PRRX2: variants seen among roughly 807,000 people sequenced by gnomAD.
The protein encoded by PRRX2 is paired related homeobox 2.
A neutral mutation model predicts 18.0 loss-of-function variants in PRRX2; 11 were observed. That is an observed-to-expected ratio of 0.61 (90% CI 0.39 to 1.01). The LOEUF is 1.01. Ranked by LOEUF, PRRX2 falls within the 50% of genes least tolerant of loss-of-function variation. The pLI is 0.01. For missense variants in PRRX2, 387 were observed against 351.0 expected (o/e 1.10, Z -0.82); for synonymous variants, 177 against 154.8 (o/e 1.14, Z -1.06).
intron 3 of PRRX2, among the ~76,000 whole-genome samples, 183 bp downstream of exon 3, chr9:129,720,957 T>A (rs1029259157): frequency 6.6e-6 from 1 of 152,196 alleles, no homozygotes; most frequent in African/African-American, 2.4e-5. Flanking sequence ...CACGAGCACC[T>A]GCACGTGCAT....
intron 1 of PRRX2, among the ~76,000 whole-genome samples, chr9:129,698,108 C>T (rs931064114): frequency 6.6e-6 from 1 of 152,084 alleles, no homozygotes; most frequent in African/African-American, 2.4e-5. Context: ...AGCACCGAGC[C>T]TTCCCGTCCC....
At chr9:129,681,775 G>A (rs903390923) in intron 1 of PRRX2, among the ~76,000 whole-genome samples, 2 of 149,596 alleles carry the variant, frequency 1.3e-5, no homozygotes, top group East Asian at 2.1e-4. Flanking sequence ...TGGGAGCCCC[G>A]GTGTGGGGAG....
chr9:129,684,521 C>A (rs759098995), intron 1 of PRRX2, among the ~76,000 whole-genome samples: 32 of 41,522 alleles, frequency 7.7e-4, no homozygotes, highest in Non-Finnish European at 1.2e-3. Flanking sequence ...CACACACACA[C>A]ACCCACACAC....
intron 1 of PRRX2, among the ~76,000 whole-genome samples, chr9:129,701,421 G>C (rs772915103): frequency 6.6e-6 from 1 of 152,214 alleles, no homozygotes; most frequent in Non-Finnish European, 1.5e-5. Context: ...CTTACAGTGG[G>C]GACACTGAGT....
At chr9:129,696,845 T>G (rs1832430538) in intron 1 of PRRX2, among the ~76,000 whole-genome samples, 1 of 151,960 alleles carries the variant, frequency 6.6e-6, no homozygotes, top group South Asian at 2.1e-4. Flanking sequence ...GCGCCCCGGG[T>G]GAAGGTGACT....
At chr9:129,684,529 CA>C (rs1832279484) in intron 1 of PRRX2, among the ~76,000 whole-genome samples, 1 of 120,926 alleles carries the variant, frequency 8.3e-6, no homozygotes, top group Non-Finnish European at 1.7e-5. Context: ...CACACCCACA[CA>C]CACCCCAACA....
chr9:129,674,609 C>A (rs1016729927), intron 1 of PRRX2, among the ~76,000 whole-genome samples: 1 of 152,090 alleles, frequency 6.6e-6, no homozygotes, highest in African/African-American at 2.4e-5. Context: ...CAGAGGGACC[C>A]CCCCGCCCCC....
chr9:129,688,891 C>T (rs1199337646), intron 1 of PRRX2, among the ~76,000 whole-genome samples: 6 of 152,358 alleles, frequency 3.9e-5, no homozygotes, highest in South Asian at 2.1e-4. Flanking sequence ...TAGCATCCTC[C>T]CCTCTGCGGC....
intron 1 of PRRX2, among the ~76,000 whole-genome samples, chr9:129,707,714 C>G (rs1450707299): frequency 4.6e-5 from 7 of 151,706 alleles, no homozygotes; most frequent in Non-Finnish European, 1.0e-4. Flanking sequence ...TTGCTTGAAC[C>G]CAGGAGGAGG....
chr9:129,673,066 GT>G (rs1280860218), intron 1 of PRRX2, among the ~76,000 whole-genome samples: 1 of 152,154 alleles, frequency 6.6e-6, no homozygotes, highest in Non-Finnish European at 1.5e-5. Context: ...AGCGTTAAAG[GT>G]TTGCCAAGAA....
chr9:129,713,398 G>A (rs935366910), intron 1 of PRRX2: 3 of 152,240 alleles, frequency 2.0e-5, no homozygotes, highest in African/African-American at 7.2e-5. Context: ...CCCTCCCAGG[G>A]GTGAGGGCTT....
At chr9:129,699,938 C>T (rs543063179) in intron 1 of PRRX2, among the ~76,000 whole-genome samples, 1 of 152,266 alleles carries the variant, frequency 6.6e-6, no homozygotes, top group South Asian at 2.1e-4. Context: ...CTCTCAGCAT[C>T]CCAAGTCTCC....
At chr9:129,697,940 G>T (rs995556817) in intron 1 of PRRX2, among the ~76,000 whole-genome samples, 1 of 152,076 alleles carries the variant, frequency 6.6e-6, no homozygotes. Context: ...AAATGTGGGT[G>T]GGGGAGGGGA....
rs1350977712 is a variant in PRRX2, at chr9:129,722,228, C to A, written c.638C>A (p.Pro213His). Residue 213 changes from proline (P) to histidine (H), a missense_variant, in exon 4 of 4, where the codon CCC becomes CAC. Transcript: ENST00000372469. ...TASSPYSTVPPYSPGSSGPAT... is the reference protein window; with the variant it reads ...TASSPYSTVPHYSPGSSGPAT... ...CATGTCGCCCCCAGCACAGTGCCAC[C>A]CTACAGCCCTGGGAGCTCAGGCCCC... 3 of 1,613,660 alleles carry A rather than the reference C, an allele frequency of 1.9e-6. No individual in the cohort carries two copies. Among genetic ancestry groups the A allele is most frequent in the Non-Finnish European group, 8.5e-7 (1 of 1,179,890 alleles).
chr9:129,721,833 G>A (rs1832796455), intron 3 of PRRX2, among the ~76,000 whole-genome samples: 1 of 152,028 alleles, frequency 6.6e-6, no homozygotes, highest in South Asian at 2.1e-4. Flanking sequence ...CGTCCACTTC[G>A]GCCTCCCAAA....
At chr9:129,714,003 G>T (rs1378815028) in intron 1 of PRRX2, among the ~76,000 whole-genome samples, 1 of 151,602 alleles carries the variant, frequency 6.6e-6, no homozygotes, top group Non-Finnish European at 1.5e-5. Context: ...CACAGCTTCA[G>T]TTTCCGTGTG....
At chr9:129,679,087 A>G (rs56047399) in intron 1 of PRRX2, among the ~76,000 whole-genome samples, 9,267 of 152,176 alleles carry the variant, frequency 0.061, 343 homozygotes, top group African/African-American at 0.093. Context: ...GGCAGCACCA[A>G]TCAGGGAGGT....
chr9:129,672,553 C>T (rs1276010032), intron 1 of PRRX2, among the ~76,000 whole-genome samples: 1 of 152,218 alleles, frequency 6.6e-6, no homozygotes, highest in Non-Finnish European at 1.5e-5. Context: ...ATGTCCACAC[C>T]CAGGCAGGCG....
intron 1 of PRRX2, among the ~76,000 whole-genome samples, chr9:129,688,503 C>T (rs1309487427): frequency 6.6e-6 from 1 of 152,198 alleles, no homozygotes; most frequent in Non-Finnish European, 1.5e-5. Flanking sequence ...GCCTTCCTTT[C>T]CCTACCCCGC....
Sources: allele counts gnomAD v4.1 joint callset (sites outside exome capture counted in the v4.1 genomes callset), GRCh38; gene constraint gnomAD v4.1.1; transcripts MANE v1.5; gene names NCBI Gene and HGNC (gene_info 2026-07-23, HGNC 2026-07-21).